THY1: variants seen among roughly 807,000 people sequenced by gnomAD.
The protein encoded by THY1 is thy-1 membrane glycoprotein.
A neutral mutation model predicts 14.9 loss-of-function variants in THY1; 10 were observed. The observed-to-expected ratio is 0.67, with a 90% CI of 0.41 to 1.14. THY1 has a LOEUF of 1.14. Ranked by LOEUF, THY1 falls within the 50% of genes most tolerant of loss-of-function variation. THY1 has a pLI of 0.00. For missense variants in THY1, 159 were observed against 202.1 expected (o/e 0.79, Z 1.29); for synonymous variants, 80 against 90.0 (o/e 0.89, Z 0.63).
At position 119,422,668 on chromosome 11, in the gene THY1, G is replaced by C. The variant is rs1231978400; in HGVS notation, c.-25+445C>G. ...CGGCACTGCGGCTTCCTTCTCCTCC[G>C]GTGCCCCGCACCCAGCCCGCCGCGA... is the stretch of plus-strand genomic sequence containing the variant. On this transcript the variant is annotated intron_variant, in intron 1 of 3. Transcript: ENST00000284240. The surrounding 1 kb of genome is among the most constrained non-coding windows in gnomAD (Gnocchi z 7.0). 4 of 207,820 alleles carry C rather than the reference G, an allele frequency of 1.9e-5. No homozygotes were observed. The highest frequency in any genetic ancestry group is 3.9e-5 in the Non-Finnish European group (4 of 101,948). 12.9% of individuals were successfully genotyped at this position (207,820 alleles called of 1,614,324 possible).
chr11:119,419,614 T>C, intron 3 of THY1, 94 bp from the exon 4 acceptor site: 1 of 956,804 alleles, frequency 1.0e-6, no homozygotes, highest in Middle Eastern at 3.3e-4. Context: ...GTACTCCCTT[T>C]GGGAGGTGGG....
In THY1 at chr11:119,420,180, T is replaced by C. The variant is rs1424039258; in HGVS notation, c.244A>G (p.Ser82Gly). The C allele has an allele frequency of 6.2e-7, 1 of 1,614,140 alleles. No homozygotes were observed. Among genetic ancestry groups the C allele is most frequent in the Non-Finnish European group, 8.5e-7 (1 of 1,180,052 alleles). The change falls in exon 3 of 4, where the codon AGC becomes GGC. Residue 82 changes from serine to glycine, a missense_variant. By Grantham distance (56) the Ser-to-Gly change is moderately conservative. Coordinates refer to ENST00000284240, the MANE Select transcript of THY1 (RefSeq NM_006288.5). ...HTYRSRTNFT[S>G]KYNMKVLYLS... is the part of the protein sequence containing the mutation. ...TAGAGGACCTTCATGTTGTATTTGC[T>C]GGTGAAGTTGGTTCGGGAGCGGTAT...
At position 119,416,022 on chromosome 11, in the gene THY1, G is replaced by A. The variant is rs1270219760; in HGVS notation, c.*3386C>T. ...GGAGGGATGTGTGTCACAGGTCCCC[G>A]GACGCTGTGTAGATTTCTTGGTTGG... On this transcript the variant is annotated 3_prime_UTR_variant, in exon 4 of 4. Transcript: ENST00000284240. 3.3e-5 allele frequency among the ~76,000 whole-genome samples: 5 copies of A among 152,156 alleles called. No homozygotes were observed. Among genetic ancestry groups the A allele is most frequent in the South Asian group, 4.1e-4 (2 of 4,820 alleles).
rs962087571 is a variant in THY1 at position 119,415,511 on chromosome 11, C to A, written c.*3897G>T. ...ATTCAGGAAACTGCTTTATTGCAAA[C>A]TTGACAGGTGGCCTCCACCTGGCCA... On this transcript the variant is annotated 3_prime_UTR_variant, in exon 4 of 4. Transcript: ENST00000284240. Among the ~76,000 whole-genome samples, 3 of 152,228 alleles carry A rather than the reference C, an allele frequency of 2.0e-5. No homozygotes were observed. The highest frequency in any genetic ancestry group is 4.4e-5 in the Non-Finnish European group (3 of 68,036).
chr11:119,423,204 G>C (rs765642603), upstream of THY1: 13 of 454,616 alleles, frequency 2.9e-5, no homozygotes, highest in East Asian at 9.1e-4. Flanking sequence ...GTTTTCACCG[G>C]GGATGGAGGA....
At chr11:119,421,662 T>TCATCG (rs1202701170) in intron 1 of THY1, 1 of 152,250 alleles carries the variant, frequency 6.6e-6, no homozygotes, top group African/African-American at 2.4e-5. Context: ...GATGACTGCT[T>TCATCG]CATATACGTG....
chr11:119,420,686 T>A, intron 2 of THY1, 183 bp downstream of exon 2: 1 of 778,482 alleles, frequency 1.3e-6, no homozygotes, highest in East Asian at 2.5e-5. Context: ...CTCAGCAAAC[T>A]GTGTTTTCAA....
chr11:119,419,901 G>A (rs1212346936), intron 3 of THY1, 150 bp downstream of exon 3: 3 of 866,756 alleles, frequency 3.5e-6, no homozygotes, highest in Non-Finnish European at 5.2e-6. Context: ...CACACCGAAG[G>A]CAATGGTTCC....
Position 119,419,396 on chromosome 11 carries a change from G to A in THY1, c.*12C>T, listed in dbSNP as rs776870149. ...ACTTGAGGCTTCCTGTCTCCTCCAT[G>A]GGCCCCACCAGTCACAGGGACATGA... On this transcript the variant is annotated 3_prime_UTR_variant, in exon 4 of 4. Coordinates refer to ENST00000284240, the MANE Select transcript of THY1 (RefSeq NM_006288.5). 9.9e-6 allele frequency: 16 copies of A among 1,611,302 alleles called. No homozygotes were observed. The highest frequency in any genetic ancestry group is 5.5e-5 in the South Asian group (5 of 90,926).
rs142564004 is a variant in THY1, at chr11:119,420,147, C to T, written c.277G>A (p.Ala93Thr). 2.6e-5 allele frequency: 42 copies of T among 1,614,210 alleles called. 1 individual carries two copies. In the African/African-American group the frequency reaches 4.3e-4, roughly 16 times the overall value. The change falls in exon 3 of 4, where the codon GCC becomes ACC. Residue 93 changes from alanine (A) to threonine (T), a missense_variant. By Grantham distance (58) the Ala-to-Thr change is moderately conservative. Coordinates refer to ENST00000284240, the MANE Select transcript of THY1 (RefSeq NM_006288.5). The stretch of plus-strand genomic sequence containing the variant: ...GTGCCCTCGTCCTTGCTAGTGAAGG[C>T]GGATAAGTAGAGGACCTTCATGTTG... ...KYNMKVLYLS[A>T]FTSKDEGTYT...
chr11:119,420,577 G>A lies in THY1; in HGVS notation c.38-191C>T, dbSNP rs553240258. On this transcript the variant is annotated intron_variant, in intron 2 of 3. Coordinates refer to ENST00000284240, the MANE Select transcript of THY1 (RefSeq NM_006288.5). ...TCCCTCCCCACTCTGCTTGAGCCTT[G>A]GATCCTATCAATGTGTTTCAAGGAC... 1.2e-4 allele frequency: 76 copies of A among 647,824 alleles called. No individual in the cohort carries two copies. The African/African-American group carries it at 1.2e-3, about 10-fold the overall frequency. 40.1% of individuals were successfully genotyped at this position (647,824 alleles called of 1,614,324 possible). A position where few individuals can be genotyped will look rare whatever the true frequency, so the allele number is the denominator to read the frequency against.
rs1297460246 is a variant in THY1 at position 119,422,880 on chromosome 11, G to A, written c.-25+233C>T. Among the ~76,000 whole-genome samples, 1 of 152,202 alleles carries A rather than the reference G, an allele frequency of 6.6e-6. No homozygotes were observed. The highest frequency in any genetic ancestry group is 1.5e-5 in the Non-Finnish European group (1 of 68,036). On this transcript the variant is annotated intron_variant, in intron 1 of 3. Coordinates refer to ENST00000284240, the MANE Select transcript of THY1 (RefSeq NM_006288.5). The surrounding 1 kb of genome is among the most constrained non-coding windows in gnomAD (Gnocchi z 7.0). ...CAGCCCCAGACACCAGTCCCCCAGC[G>A]GGCGAAAGCCCGGGAGCGCCTTCCC...
chr11:119,420,096 C>T lies in THY1; in HGVS notation c.328G>A (p.Gly110Ser), dbSNP rs1293106280. The T allele has an allele frequency of 6.2e-7, 1 of 1,614,184 alleles. No homozygotes were observed. Reference sequence around the variant, plus strand: ...TGGGAGGAGATGGGTGGGGAATGGCCAGAGTGGTGGAGTGCACACGTGTAG... The same window carrying T: ...TGGGAGGAGATGGGTGGGGAATGGCTAGAGTGGTGGAGTGCACACGTGTAG... ...GTYTCALHHSGHSPPISSQNV... is the reference protein window; with the variant it reads ...GTYTCALHHSSHSPPISSQNV... Residue 110 changes from glycine to serine, a missense_variant, in exon 3 of 4, where the codon GGC (glycine) becomes AGC (serine). Physicochemically the swap from Gly to Ser is moderately conservative, Grantham distance 56. Transcript: ENST00000284240.
chr11:119,419,702 A>T, intron 3 of THY1, 182 bp from the exon 4 acceptor site: 1 of 618,742 alleles, frequency 1.6e-6, no homozygotes, highest in African/African-American at 1.8e-5. Context: ...CAGATTACTG[A>T]TCTCTTGCAC....
Position 119,422,221 on chromosome 11 carries a change from A to T in THY1, c.-25+892T>A, listed in dbSNP as rs1201164598. On this transcript the variant is annotated intron_variant, in intron 1 of 3. Coordinates refer to ENST00000284240, the MANE Select transcript of THY1 (RefSeq NM_006288.5). This position sits in a 1 kb window ranked among gnomAD's most constrained non-coding sequence, Gnocchi z 7.0. ...CAATGCTCTCTCTGTCCCGGGGTGGAGCTGCTGCCCTGAGCCAGATCCAGG... is the reference window on the plus strand; with the variant it reads ...CAATGCTCTCTCTGTCCCGGGGTGGTGCTGCTGCCCTGAGCCAGATCCAGG... The T allele has an allele frequency of 6.6e-6, 1 of 152,314 alleles. No individual in the cohort carries two copies. Among genetic ancestry groups the T allele is most frequent in the Non-Finnish European group, 1.5e-5 (1 of 68,158 alleles). The allele number at this position is 152,314 out of a possible 1,614,324, so 9.4% of individuals were successfully genotyped here.
At position 119,419,198 on chromosome 11, in the gene THY1, A is replaced by G; in HGVS notation, c.*210T>C. 1 of 609,954 alleles carries G rather than the reference A, an allele frequency of 1.6e-6. No homozygotes were observed. The highest frequency in any genetic ancestry group is 3.0e-6 in the Non-Finnish European group (1 of 328,298). 37.8% of individuals were successfully genotyped at this position (609,954 alleles called of 1,614,324 possible). On this transcript the variant is annotated 3_prime_UTR_variant, in exon 4 of 4. Coordinates refer to ENST00000284240, the MANE Select transcript of THY1 (RefSeq NM_006288.5). ...AGCAGCTCTGGAACAAAAAGTACAA[A>G]AAGACAGCCAGAGGTGTGCGGAGAG... is the stretch of plus-strand genomic sequence containing the variant.
rs1255887062 is a variant in THY1, at chr11:119,418,184, C to T, written c.*1224G>A. 6.6e-6 allele frequency: 1 copy of T among 152,578 alleles called. No individual in the cohort carries two copies. Among genetic ancestry groups the T allele is most frequent in the African/African-American group, 2.4e-5 (1 of 41,468 alleles). 9.5% of individuals were successfully genotyped at this position (152,578 alleles called of 1,614,324 possible). ...GCCAGGTGGACACGAGGACAGATTC[C>T]AGAGGCTTGGTTTTATTGTGCAGTT... On this transcript the variant is annotated 3_prime_UTR_variant, in exon 4 of 4. Transcript: ENST00000284240.
rs900347954 is a variant in THY1, at chr11:119,417,948, G to C, written c.*1460C>G. 6.6e-6 allele frequency: 1 copy of C among 152,360 alleles called. No individual in the cohort carries two copies. Among genetic ancestry groups the C allele is most frequent in the Non-Finnish European group, 1.5e-5 (1 of 68,114 alleles). 9.4% of individuals were successfully genotyped at this position (152,360 alleles called of 1,614,324 possible). ...CATGTTGTTCCAGCCAGGTGAGTCA[G>C]CAGACATGGGATGTTCGTTTATTTG... On this transcript the variant is annotated 3_prime_UTR_variant, in exon 4 of 4. Coordinates refer to ENST00000284240, the MANE Select transcript of THY1 (RefSeq NM_006288.5).
In THY1 at chr11:119,416,007, G is replaced by T. The variant is rs1185005146; in HGVS notation, c.*3401C>A. ...CAGGTTGAGGAGGCGGGAGGGATGT[G>T]TGTCACAGGTCCCCGGACGCTGTGT... is the stretch of plus-strand genomic sequence containing the variant. On this transcript the variant is annotated 3_prime_UTR_variant, in exon 4 of 4. Transcript: ENST00000284240. Among the ~76,000 whole-genome samples, 6 of 152,248 alleles carry T rather than the reference G, an allele frequency of 3.9e-5. No homozygotes were observed. Among genetic ancestry groups the T allele is most frequent in the Admixed American group, 6.5e-5 (1 of 15,286 alleles).
Sources: allele counts gnomAD v4.1 joint callset (sites outside exome capture counted in the v4.1 genomes callset), GRCh38; gene constraint gnomAD v4.1.1; non-coding constraint Gnocchi (gnomAD v3.1); transcripts MANE v1.5; gene names NCBI Gene and HGNC (gene_info 2026-07-23, HGNC 2026-07-21).